The following SRRM1 variants were observed in gnomAD, a reference collection of about 807,000 sequenced individuals.
SRRM1 encodes serine and arginine repetitive matrix 1, also known as serine/arginine repetitive matrix protein 1.
In SRRM1, 19 loss-of-function variants were observed where a neutral mutation model predicts 110.2. The ratio of observed to expected loss-of-function variants is 0.17; its 90% CI spans 0.12 to 0.25. The LOEUF (loss-of-function observed/expected upper bound fraction) is 0.25. Ranked by LOEUF, SRRM1 falls within the 10% of genes least tolerant of loss-of-function variation. The pLI is 1.00. For synonymous variants in SRRM1, 443 were observed against 414.9 expected (o/e 1.07, Z -0.82); for missense variants, 918 against 1,145.8 (o/e 0.80, Z 2.87).
chr1:24,672,262 G>A lies in SRRM1; in HGVS notation c.2691G>A (p.Lys897=). Residue 897 remains lysine, a synonymous_variant, in exon 17 of 17, where the codon AAG becomes AAA. Coordinates refer to ENST00000323848, the MANE Select transcript of SRRM1 (RefSeq NM_005839.4). ...LREKALRSMR[K]AQVSPQS ...AAAAGGCCCTGAGATCAATGAGGAA[G>A]GCCCAAGTGTCCCCACAGTCTTAGG... is the stretch of plus-strand genomic sequence containing the variant. 6.2e-7 allele frequency: 1 copy of A among 1,607,254 alleles called. No homozygotes were observed. Among genetic ancestry groups the A allele is most frequent in the African/African-American group, 1.3e-5 (1 of 74,940 alleles).
chr1:24,645,249 T>G (rs955952819), intron 1 of SRRM1, among the ~76,000 whole-genome samples: 3 of 152,200 alleles, frequency 2.0e-5, no homozygotes, highest in Non-Finnish European at 4.4e-5. Context: ...AGTTTTTACC[T>G]TCTCAAACAA....
chr1:24,664,049 G>A (rs199667235), intron 12 of SRRM1, among the ~76,000 whole-genome samples: 1 of 141,900 alleles, frequency 7.0e-6, no homozygotes, highest in East Asian at 2.1e-4. Context: ...AGGCTGGGGT[G>A]CATTGGTGCG....
chr1:24,643,902 G>A (rs1300473058), intron 1 of SRRM1, among the ~76,000 whole-genome samples: 3 of 152,194 alleles, frequency 2.0e-5, no homozygotes, highest in Admixed American at 6.5e-5. Context: ...GAGGCGCCAG[G>A]TCAGGGTTCG....
At chr1:24,656,374 T>A (rs1664106103) in intron 9 of SRRM1, among the ~76,000 whole-genome samples, 1 of 152,208 alleles carries the variant, frequency 6.6e-6, no homozygotes, top group Non-Finnish European at 1.5e-5. Context: ...TTTATTGTAG[T>A]GATAGGTTCA....
chr1:24,669,655 C>T (rs930063654), intron 14 of SRRM1, 68 bp downstream of exon 14: 50 of 1,196,256 alleles, frequency 4.2e-5, no homozygotes, highest in Non-Finnish European at 5.8e-5. Flanking sequence ...AGCTTCCCCC[C>T]ACCCCCATAT....
intron 12 of SRRM1, chr1:24,663,122 A>T (rs548458430): frequency 7.1e-7 from 1 of 1,411,526 alleles, no homozygotes; most frequent in African/African-American, 1.4e-5. Flanking sequence ...TACTTAATCC[A>T]CCCAAGTAAA....
rs924488256 is a variant in SRRM1 at position 24,646,565 on chromosome 1, A to G, written c.112-102A>G. On this transcript the variant is annotated intron_variant, in intron 2 of 16. Transcript: ENST00000323848. ...ATTAGCAGATTCTACTATGCCAAAC[A>G]AAAAAACTAAGCTAAAAGGAACTTT... is the stretch of plus-strand genomic sequence containing the variant. 6.4e-6 allele frequency: 7 copies of G among 1,099,300 alleles called. No individual in the cohort carries two copies. The African/African-American group carries it at 9.9e-5, about 15-fold the overall frequency. The allele number at this position is 1,099,300 out of a possible 1,614,324, so 68.1% of individuals were successfully genotyped here.
intron 4 of SRRM1, 121 bp from the exon 5 acceptor site, chr1:24,649,849 TG>T: frequency 1.3e-6 from 1 of 789,990 alleles, no homozygotes; most frequent in Non-Finnish European, 1.9e-6. Flanking sequence ...AGAACAGGTC[TG>T]GTTCAAAAGA....
chr1:24,655,364 A>G (rs534250824), intron 9 of SRRM1, among the ~76,000 whole-genome samples: 2 of 152,182 alleles, frequency 1.3e-5, no homozygotes, highest in South Asian at 4.2e-4. Flanking sequence ...GCAGGTGGAG[A>G]AATCTTTTAC....
At position 24,650,098 on chromosome 1, in the gene SRRM1, T is replaced by C. The variant is rs1346880502; in HGVS notation, c.521+12T>C. The stretch of plus-strand genomic sequence containing the variant: ...CGTAGCCCAAGAAGGTATCATACAA[T>C]AGATGCATAACTGATGTTTTACAGG... On this transcript the variant is annotated intron_variant, in intron 5 of 16. Transcript: ENST00000323848. The C allele has an allele frequency of 6.5e-7, 1 of 1,549,402 alleles. No homozygotes were observed. The highest frequency in any genetic ancestry group is 8.7e-7 in the Non-Finnish European group (1 of 1,150,180).
Position 24,672,287 on chromosome 1 carries a change from G to A in SRRM1, c.*1G>A. Reference sequence around the variant, plus strand: ...GGCCCAAGTGTCCCCACAGTCTTAGGGGGAAATGTTTGTTATGATGTAAAT... The same window carrying A: ...GGCCCAAGTGTCCCCACAGTCTTAGAGGGAAATGTTTGTTATGATGTAAAT... On this transcript the variant is annotated 3_prime_UTR_variant, in exon 17 of 17. Coordinates refer to ENST00000323848, the MANE Select transcript of SRRM1 (RefSeq NM_005839.4). 6.3e-7 allele frequency: 1 copy of A among 1,589,430 alleles called. No individual in the cohort carries two copies. The highest frequency in any genetic ancestry group is 8.6e-7 in the Non-Finnish European group (1 of 1,165,188).
chr1:24,643,367 G>A lies in SRRM1; in HGVS notation c.21+20G>A, dbSNP rs1479830677. Reference sequence around the variant, plus strand: ...TTCCGCGTAAGTAGAAGCGCCGGGCGCCGGGGTGAGGCCAGGGACTTCTCG... The same window carrying A: ...TTCCGCGTAAGTAGAAGCGCCGGGCACCGGGGTGAGGCCAGGGACTTCTCG... On this transcript the variant is annotated intron_variant, in intron 1 of 16. Coordinates refer to ENST00000323848, the MANE Select transcript of SRRM1 (RefSeq NM_005839.4). 6.5e-7 allele frequency: 1 copy of A among 1,547,304 alleles called. No individual in the cohort carries two copies.
At chr1:24,654,224 C>T (rs1662699366) in intron 8 of SRRM1, 2 of 1,091,458 alleles carry the variant, frequency 1.8e-6, no homozygotes, top group African/African-American at 1.6e-5. Flanking sequence ...AGCCATTTAG[C>T]AGTCAATATT....
At chr1:24,646,979 A>G (rs900588000) in intron 3 of SRRM1, 190 bp downstream of exon 3, 3 of 434,922 alleles carry the variant, frequency 6.9e-6, no homozygotes, top group Non-Finnish European at 7.9e-6. Context: ...TGAAAGCTAC[A>G]CAGGTGAAAA....
intron 16 of SRRM1, among the ~76,000 whole-genome samples, 190 bp downstream of exon 16, chr1:24,671,785 C>T (rs1383330079): frequency 2.0e-5 from 3 of 151,478 alleles, no homozygotes; most frequent in Non-Finnish European, 2.9e-5. Context: ...AGTTGTGCAG[C>T]GATCCCCACA....
chr1:24,649,075 C>A, intron 4 of SRRM1, 46 bp downstream of exon 4: 1 of 1,571,772 alleles, frequency 6.4e-7, no homozygotes, highest in Non-Finnish European at 8.7e-7. Flanking sequence ...GAGTATTGGC[C>A]AGGCTGCCGA....
At chr1:24,652,042 A>G (rs1235848905) in intron 6 of SRRM1, among the ~76,000 whole-genome samples, 2 of 121,198 alleles carry the variant, frequency 1.7e-5, no homozygotes, top group Admixed American at 8.2e-5. Flanking sequence ...ATATATATAT[A>G]TATATATATA....
intron 9 of SRRM1, among the ~76,000 whole-genome samples, chr1:24,656,674 G>GA (rs909439288): frequency 2.0e-5 from 3 of 152,052 alleles, no homozygotes; most frequent in Admixed American, 6.6e-5. Flanking sequence ...GCTCTCCAGG[G>GA]AAAAAAACAA....
chr1:24,660,282 G>A (rs536228330), intron 9 of SRRM1, among the ~76,000 whole-genome samples: 65 of 152,306 alleles, frequency 4.3e-4, no homozygotes, highest in African/African-American at 1.4e-3. Flanking sequence ...CTCAGTAGCA[G>A]CTCCCAATTT....
Sources: gnomAD v4.1 joint callset for allele counts (sites outside exome capture counted in the v4.1 genomes callset) on GRCh38, gnomAD v4.1.1 for gene constraint, MANE v1.5 for transcripts, NCBI Gene and HGNC (gene_info 2026-07-23, HGNC 2026-07-21) for gene names.